OTOGL: variants seen among roughly 807,000 people sequenced by gnomAD.
OTOGL encodes the protein otogelin-like protein.
A neutral mutation model predicts 318.5 loss-of-function variants in OTOGL; 285 were observed. That is an observed-to-expected ratio of 0.89 (90% confidence interval 0.81 to 0.99). The LOEUF is 0.99. OTOGL is among the 50% of genes least tolerant of loss of function. The pLI is 0.00. For missense variants in OTOGL, 2,899 were observed against 2,845.6 expected (o/e 1.02, Z -0.43); for synonymous variants, 987 against 936.5 (o/e 1.05, Z -0.99).
At chr12:80,129,005 C>T (rs1331187234) in intron 1 of OTOGL, among the ~76,000 whole-genome samples, 7 of 152,144 alleles carry the variant, frequency 4.6e-5, no homozygotes, top group Admixed American at 1.3e-4. Flanking sequence ...GGTGATGCCT[C>T]GCCCTGCTTT....
chr12:80,346,077 C>T (rs1327562027), intron 44 of OTOGL, among the ~76,000 whole-genome samples: 10 of 152,218 alleles, frequency 6.6e-5, no homozygotes, highest in East Asian at 3.9e-4. Flanking sequence ...AGATTTCTTA[C>T]GTGGATATTA....
chr12:80,115,163 GA>G (rs1870084634), intron 1 of OTOGL, among the ~76,000 whole-genome samples: 1 of 151,942 alleles, frequency 6.6e-6, no homozygotes, highest in African/African-American at 2.4e-5. Context: ...TTATCCTTTG[GA>G]GAAGAGGCAT....
At chr12:80,333,126 T>G (rs1179364926) in intron 38 of OTOGL, 48 bp downstream of exon 38, 1 of 1,481,716 alleles carries the variant, frequency 6.7e-7, no homozygotes, top group Non-Finnish European at 9.2e-7. Flanking sequence ...CCATATATCA[T>G]CCATTCAAAT....
intron 43 of OTOGL, 34 bp downstream of exon 43, chr12:80,339,298 GTTT>G (rs10715159): frequency 0.021 from 11,252 of 532,496 alleles, 6 homozygotes; most frequent in Middle Eastern, 0.033. Flanking sequence ...GATTTCGTCT[GTTT>G]TTTTTTTTTT....
At chr12:80,216,977 GA>G (rs926570355) in intron 4 of OTOGL, among the ~76,000 whole-genome samples, 124 of 151,072 alleles carry the variant, frequency 8.2e-4, no homozygotes, top group African/African-American at 2.2e-3. Context: ...AAGAAAGAAA[GA>G]AAAAAAAATG....
chr12:80,375,211 G>A (rs1220077199), intron 57 of OTOGL, among the ~76,000 whole-genome samples: 1 of 152,146 alleles, frequency 6.6e-6, no homozygotes, highest in Non-Finnish European at 1.5e-5. Context: ...CAGGCTCTGT[G>A]TTGAATAAAA....
In OTOGL at chr12:80,305,563, T is replaced by C. The variant is rs748930101; in HGVS notation, c.3214-13T>C. 5.9e-6 allele frequency: 9 copies of C among 1,513,776 alleles called. No individual in the cohort carries two copies. In the East Asian group the frequency reaches 2.1e-4, roughly 35 times the overall value. The allele number at this position is 1,513,776 out of a possible 1,614,324, so 93.8% of individuals were successfully genotyped here. On this transcript the variant is annotated splice_polypyrimidine_tract_variant and intron_variant, in intron 28 of 58. Transcript: ENST00000547103. ...AAAACAGAATATTTCCTGGTGATTT[T>C]CTCTTACTTTAGAACAAGCTATCAG...
chr12:80,266,318 C>A, intron 20 of OTOGL, 133 bp from the exon 21 acceptor site: 1 of 911,648 alleles, frequency 1.1e-6, no homozygotes, highest in Non-Finnish European at 1.6e-6. Context: ...TTTGAGCATC[C>A]AAGTTAAGGG....
In OTOGL at chr12:80,336,071, G is replaced by T. The variant is rs750836322; in HGVS notation, c.4531G>T (p.Asp1511Tyr). ...LNCPKDVEMP[D>Y]CGFRGRPVQV... Reference sequence around the variant, plus strand: ...TTGCCCAAAGGACGTGGAAATGCCTGACTGTGGTTTCCGAGGAAGGCCAGT... The same window carrying T: ...TTGCCCAAAGGACGTGGAAATGCCTTACTGTGGTTTCCGAGGAAGGCCAGT... The change falls in exon 39 of 59, where the codon GAC becomes TAC. Residue 1511 changes from aspartate (D) to tyrosine (Y), a missense_variant. Asp to Tyr is a radical substitution (Grantham distance 160, BLOSUM62 -3). Around this residue, in one of 3 missense-constraint regions of OTOGL, gnomAD observed 2,607 missense variants for 2,524.9 expected, o/e 1.03. Transcript: ENST00000547103. 11 of 1,598,768 alleles carry T rather than the reference G, an allele frequency of 6.9e-6. No individual in the cohort carries two copies. The highest frequency in any genetic ancestry group is 1.7e-4 in the Middle Eastern group (1 of 6,058).
intron 38 of OTOGL, among the ~76,000 whole-genome samples, chr12:80,335,370 A>T (rs1888324906): frequency 6.6e-6 from 1 of 152,146 alleles, no homozygotes; most frequent in Non-Finnish European, 1.5e-5. Flanking sequence ...GAAAATGTCT[A>T]GTTTAGCATT....
intron 5 of OTOGL, 81 bp downstream of exon 5, chr12:80,217,745 T>C (rs1877883126): frequency 9.5e-7 from 1 of 1,052,232 alleles, no homozygotes; most frequent in East Asian, 2.6e-5. Flanking sequence ...GTATTTATTG[T>C]TTCCGTATAC....
At chr12:80,308,273 GCTC>G (rs1442591599) in intron 29 of OTOGL, among the ~76,000 whole-genome samples, 1 of 150,732 alleles carries the variant, frequency 6.6e-6, no homozygotes, top group Non-Finnish European at 1.5e-5. Context: ...GGGCGGAGGG[GCTC>G]CTCACTTCTC....
chr12:80,151,462 A>T (rs940738560), intron 1 of OTOGL, among the ~76,000 whole-genome samples: 5 of 152,186 alleles, frequency 3.3e-5, no homozygotes, highest in Non-Finnish European at 7.3e-5. Flanking sequence ...TTACAAGCTC[A>T]TGGTCAACTT....
At chr12:80,275,566 C>G (rs1256587270) in intron 24 of OTOGL, among the ~76,000 whole-genome samples, 1 of 151,872 alleles carries the variant, frequency 6.6e-6, no homozygotes, top group East Asian at 1.9e-4. Flanking sequence ...GTTGATAAAG[C>G]AGTGGTAGGG....
chr12:80,363,323 C>T (rs1890342571), intron 52 of OTOGL, among the ~76,000 whole-genome samples: 1 of 152,028 alleles, frequency 6.6e-6, no homozygotes, highest in African/African-American at 2.4e-5. Context: ...GGATGAAAAT[C>T]ATGATGAAAA....
chr12:80,358,584 A>T, intron 50 of OTOGL, 87 bp from the exon 51 acceptor site: 2 of 1,067,846 alleles, frequency 1.9e-6, no homozygotes, highest in Non-Finnish European at 2.8e-6. Context: ...TCCATGCATT[A>T]TTGTAATGGC....
intron 1 of OTOGL, among the ~76,000 whole-genome samples, chr12:80,203,601 A>G (rs1876608074): frequency 1.3e-5 from 2 of 152,176 alleles, no homozygotes; most frequent in Non-Finnish European, 2.9e-5. Context: ...ATAAAGAGCG[A>G]GGTAAGAGTA....
intron 1 of OTOGL, among the ~76,000 whole-genome samples, chr12:80,149,257 A>T (rs1409986898): frequency 6.6e-6 from 1 of 151,690 alleles, no homozygotes; most frequent in African/African-American, 2.4e-5. Context: ...TCTGTTTGTT[A>T]GTTTTCCTTC....
intron 57 of OTOGL, among the ~76,000 whole-genome samples, chr12:80,373,898 A>T (rs1891032125): frequency 6.6e-6 from 1 of 152,122 alleles, no homozygotes; most frequent in Admixed American, 6.6e-5. Context: ...AGGAGAGGGC[A>T]GAGGCTGAAT....
Sources: gnomAD v4.1 joint callset for allele counts (sites outside exome capture counted in the v4.1 genomes callset) on GRCh38, gnomAD v4.1.1 for gene constraint, gnomAD v4.1.1 regional missense constraint, MANE v1.5 for transcripts, NCBI Gene and HGNC (gene_info 2026-07-23, HGNC 2026-07-21) for gene names.